Variants in PCDH11X observed in about 807,000 individuals in gnomAD.
PCDH11X encodes the protein protocadherin-11 X-linked.
In PCDH11X, 18 loss-of-function variants were observed where a neutral mutation model predicts 53.3. That is an observed-to-expected ratio of 0.34 (90% CI 0.23 to 0.50). The LOEUF (loss-of-function observed/expected upper bound fraction) is 0.50, where lower values mean the gene tolerates loss of function less well. Ranked by LOEUF, PCDH11X falls within the 20% of genes least tolerant of loss-of-function variation. The pLI, the probability that PCDH11X is intolerant of heterozygous loss-of-function variation, is 0.98. For missense variants in PCDH11X, 570 were observed against 1,032.4 expected (o/e 0.55, Z 6.14); for synonymous variants, 279 against 393.3 (o/e 0.71, Z 3.44).
chrX:92,341,455 C>T (rs1170258432), intron 8 of PCDH11X, among the ~76,000 whole-genome samples: 12 of 111,595 alleles, frequency 1.1e-4, no homozygotes, highest in African/African-American at 3.6e-4. Flanking sequence ...GGTAATTTAT[C>T]AAGAAAGGAG....
At chrX:92,398,506 A>AT (rs958942717) in intron 9 of PCDH11X, among the ~76,000 whole-genome samples, 92 of 111,214 alleles carry the variant, frequency 8.3e-4, no homozygotes, top group Non-Finnish European at 3.8e-4. Flanking sequence ...TCCCAGAAAG[A>AT]TTTTTTTTTG....
At chrX:92,164,006 T>C (rs1282279427) in intron 6 of PCDH11X, among the ~76,000 whole-genome samples, 1 of 112,087 alleles carries the variant, frequency 8.9e-6, no homozygotes, top group Admixed American at 9.4e-5. Context: ...TCTTGATGCA[T>C]AGATTAAATT....
At position 92,124,920 on chromosome X, in the gene PCDH11X, G is replaced by A. The variant is rs185965968; in HGVS notation, c.3034-76455G>A. Among the ~76,000 whole-genome samples, 529 of 111,096 alleles carry A rather than the reference G, an allele frequency of 4.8e-3. 2 individuals are homozygous for A. Among genetic ancestry groups the A allele is most frequent in the African/African-American group, 0.016 (489 of 30,588 alleles). ...TCCATGTGGGTTAGGGAACATGTCT[G>A]TCTCGCTCATCACTGTATTTCTACT... On this transcript the variant is annotated intron_variant, in intron 6 of 10. Coordinates refer to ENST00000682573, the MANE Select transcript of PCDH11X (RefSeq NM_032968.5).
chrX:91,932,037 T>C (rs2061392003), intron 6 of PCDH11X, among the ~76,000 whole-genome samples: 1 of 111,150 alleles, frequency 9.0e-6, no homozygotes, highest in African/African-American at 3.3e-5. Flanking sequence ...TGTATCCATG[T>C]GTTCTCATTG....
At chrX:91,820,185 C>G (rs1936609950) in intron 4 of PCDH11X, among the ~76,000 whole-genome samples, 1 of 88,939 alleles carries the variant, frequency 1.1e-5, no homozygotes, top group African/African-American at 5.2e-5. Context: ...GGGTATATAC[C>G]CAGTAATGGG....
chrX:92,578,232 G>A (rs971078615), intron 10 of PCDH11X, among the ~76,000 whole-genome samples: 14 of 101,105 alleles, frequency 1.4e-4, no homozygotes, highest in Non-Finnish European at 2.0e-4. Flanking sequence ...CTAGGGGAGG[G>A]ATAGCATTAG....
intron 4 of PCDH11X, among the ~76,000 whole-genome samples, chrX:91,816,132 C>A (rs1331409169): frequency 9.1e-6 from 1 of 110,041 alleles, no homozygotes; most frequent in African/African-American, 3.3e-5. Flanking sequence ...AGTCCCCACA[C>A]CCCCCCAAAA....
chrX:92,272,722 A>G (rs1471498223), intron 8 of PCDH11X, among the ~76,000 whole-genome samples: 1 of 112,351 alleles, frequency 8.9e-6, no homozygotes, highest in Non-Finnish European at 1.9e-5. Flanking sequence ...GTTGTCATTT[A>G]TTTAACAAAC....
At chrX:92,283,538 T>C (rs2068294354) in intron 8 of PCDH11X, among the ~76,000 whole-genome samples, 1 of 111,674 alleles carries the variant, frequency 9.0e-6, no homozygotes, top group African/African-American at 3.2e-5. Context: ...TTCATTTTAT[T>C]TTTGCTACTT....
At chrX:92,392,915 G>A (rs1021510668) in intron 9 of PCDH11X, among the ~76,000 whole-genome samples, 1 of 108,731 alleles carries the variant, frequency 9.2e-6, no homozygotes, top group Non-Finnish European at 1.9e-5. Context: ...AGTAGTATTG[G>A]TTAGTATATT....
intron 8 of PCDH11X, among the ~76,000 whole-genome samples, chrX:92,357,764 C>T (rs2070245430): frequency 9.0e-6 from 1 of 111,516 alleles, no homozygotes; most frequent in Admixed American, 9.6e-5. Context: ...CCCTGTATTA[C>T]TTGTATCGAT....
chrX:92,021,512 G>A (rs112747010), intron 6 of PCDH11X, among the ~76,000 whole-genome samples: 4,375 of 109,439 alleles, frequency 0.04, 220 homozygotes, highest in African/African-American at 0.14. Flanking sequence ...TGAGAAATAC[G>A]GGGCAATGTA....
chrX:92,027,148 G>T (rs1242898780), intron 6 of PCDH11X, among the ~76,000 whole-genome samples: 9 of 111,688 alleles, frequency 8.1e-5, no homozygotes, highest in Admixed American at 1.9e-4. Flanking sequence ...CATAGTGTAT[G>T]ACACATATAA....
intron 6 of PCDH11X, among the ~76,000 whole-genome samples, chrX:92,158,355 CA>C (rs1462707046): frequency 9.1e-6 from 1 of 109,628 alleles, no homozygotes; most frequent in Non-Finnish European, 1.9e-5. Context: ...ACTAAAAATA[CA>C]AAAATTAGCT....
intron 1 of PCDH11X, among the ~76,000 whole-genome samples, chrX:91,796,904 C>A (rs1935754258): frequency 9.0e-6 from 1 of 111,557 alleles, no homozygotes; most frequent in African/African-American, 3.2e-5. Flanking sequence ...ACACTCACAT[C>A]TTTTTCACTT....
At chrX:92,448,149 G>A (rs1464832903) in intron 9 of PCDH11X, among the ~76,000 whole-genome samples, 1 of 103,642 alleles carries the variant, frequency 9.6e-6, no homozygotes, top group African/African-American at 3.5e-5. Context: ...CAGATGAGAT[G>A]TTGGACTGTG....
intron 6 of PCDH11X, among the ~76,000 whole-genome samples, chrX:92,164,335 G>A (rs1323821523): frequency 8.9e-6 from 1 of 112,343 alleles, no homozygotes; most frequent in Non-Finnish European, 1.9e-5. Context: ...GTAGAAAACC[G>A]TTAAGGAGGA....
In PCDH11X at chrX:91,820,680, G is replaced by T. The variant is rs1936638301; in HGVS notation, c.-45+9385G>T. ...GTGCAGAAGCACTTTAGTTTAATTA[G>T]ATCCCATTTGTCAATTTTGTCTTTT... is the stretch of plus-strand genomic sequence containing the variant. On this transcript the variant is annotated intron_variant, in intron 4 of 10. Transcript: ENST00000682573. 2.9e-5 allele frequency among the ~76,000 whole-genome samples: 3 copies of T among 102,478 alleles called. No individual in the cohort carries two copies. In the Admixed American group the frequency reaches 3.0e-4, roughly 10 times the overall value. 89.0% of individuals were successfully genotyped at this position (102,478 alleles called of 115,157 possible).
At chrX:92,532,940 T>A (rs2074585598) in intron 10 of PCDH11X, among the ~76,000 whole-genome samples, 1 of 110,516 alleles carries the variant, frequency 9.0e-6, no homozygotes, top group Admixed American at 9.7e-5. Flanking sequence ...TCAGGTCTCA[T>A]GAGACCCATT....
Sources: gnomAD v4.1 joint callset for allele counts (sites outside exome capture counted in the v4.1 genomes callset) on GRCh38, gnomAD v4.1.1 for gene constraint, MANE v1.5 for transcripts, NCBI Gene and HGNC (gene_info 2026-07-23, HGNC 2026-07-21) for gene names.